Variants in SGCD observed in about 807,000 individuals in gnomAD.
The protein encoded by SGCD is sarcoglycan delta.
SGCD carries 18 observed loss-of-function variants against 36.6 expected under a neutral mutation model. That is an observed-to-expected ratio of 0.49 (90% CI 0.34 to 0.73). The LOEUF (loss-of-function observed/expected upper bound fraction) is 0.73. SGCD is among the 30% of genes least tolerant of loss of function. The probability of loss-of-function intolerance (pLI) is 0.01; values close to 1 mark genes in which losing one functional copy is unlikely to be tolerated. For synonymous variants in SGCD, 133 were observed against 130.6 expected (o/e 1.02, Z -0.12); for missense variants, 387 against 346.7 (o/e 1.12, Z -0.92).
chr5:156,617,737 C>T (rs944493390), intron 6 of SGCD, among the ~76,000 whole-genome samples: 1 of 152,132 alleles, frequency 6.6e-6, no homozygotes, highest in Admixed American at 6.5e-5. Context: ...CCAACAGCAC[C>T]CAGCCACCCA....
At chr5:155,947,345 T>G (rs1757459310) in intron 1 of SGCD, among the ~76,000 whole-genome samples, 1 of 146,012 alleles carries the variant, frequency 6.8e-6, no homozygotes, top group African/African-American at 2.8e-5. Context: ...GTGTAATGTT[T>G]TGGTTTTTTT....
chr5:156,495,126 G>A (rs1756126515), intron 3 of SGCD, among the ~76,000 whole-genome samples: 1 of 152,108 alleles, frequency 6.6e-6, no homozygotes, highest in African/African-American at 2.4e-5. Context: ...GAGAACACAT[G>A]GATGAAATAT....
At chr5:156,478,527 G>A (rs1561722116) in intron 3 of SGCD, among the ~76,000 whole-genome samples, 4 of 152,110 alleles carry the variant, frequency 2.6e-5, no homozygotes, top group Admixed American at 1.3e-4. Flanking sequence ...GCAGTTTGGG[G>A]GAAACAACAG....
chr5:155,956,849 G>A (rs1214536287), intron 1 of SGCD, among the ~76,000 whole-genome samples: 1 of 149,416 alleles, frequency 6.7e-6, no homozygotes, highest in Non-Finnish European at 1.5e-5. Flanking sequence ...CCTTTACTTA[G>A]TTATGTCTGC....
the SGCD span, among the ~76,000 whole-genome samples, chr5:155,792,978 A>G: frequency 0.039 from 5,923 of 152,294 alleles, 231 homozygotes; most frequent in African/African-American, 0.098. Flanking sequence ...AGCTGTTCAC[A>G]ATAGCAAAGT....
chr5:156,608,063 A>C (rs1317759170), intron 6 of SGCD, among the ~76,000 whole-genome samples: 12 of 152,006 alleles, frequency 7.9e-5, no homozygotes, highest in Non-Finnish European at 8.8e-5. Context: ...CTCTGATCTT[A>C]GTTATTTCTT....
At chr5:156,634,739 A>C (rs1762761965) in intron 6 of SGCD, among the ~76,000 whole-genome samples, 1 of 152,174 alleles carries the variant, frequency 6.6e-6, no homozygotes, top group South Asian at 2.1e-4. Context: ...ATCTATTAAT[A>C]TGCACCACAA....
chr5:156,535,717 A>G (rs561906126), intron 4 of SGCD, among the ~76,000 whole-genome samples: 63 of 152,310 alleles, frequency 4.1e-4, no homozygotes, highest in African/African-American at 1.4e-3. Context: ...ATGAATTTTA[A>G]AATTTAAGTC....
chr5:156,009,972 T>C (rs1561681448), intron 1 of SGCD, among the ~76,000 whole-genome samples: 1 of 152,240 alleles, frequency 6.6e-6, no homozygotes. Context: ...CAAACACGTT[T>C]TGGCAAATTT....
rs1561593249 is a variant in SGCD, at chr5:156,269,502, A to AC, written c.-43-60032_-43-60031insC. Among the ~76,000 whole-genome samples, 131 of 144,480 alleles carry AC rather than the reference A, an allele frequency of 9.1e-4. 17 individuals carry two copies. Among genetic ancestry groups the AC allele is most frequent in the African/African-American group, 3.3e-3 (127 of 38,078 alleles). The allele number at this position is 144,480 out of a possible 152,430, so 94.8% of individuals were successfully genotyped here. ...AAAAAAAAAAAAAAAAAAAAAAAAA[A>AC]AAAAAAAACCATCAGATCTCATGAA... is the stretch of plus-strand genomic sequence containing the variant. On this transcript the variant is annotated intron_variant, in intron 3 of 9. Coordinates refer to the SGCD transcript ENST00000517913.
chr5:155,795,305 A>T, the SGCD span, among the ~76,000 whole-genome samples: 2 of 152,164 alleles, frequency 1.3e-5, no homozygotes, highest in East Asian at 3.9e-4. Flanking sequence ...TCAATAGATT[A>T]GGAGTTCATA....
chr5:155,956,151 T>C (rs1170019218), intron 1 of SGCD, among the ~76,000 whole-genome samples: 9 of 150,726 alleles, frequency 6.0e-5, no homozygotes, highest in Non-Finnish European at 8.8e-5. Flanking sequence ...TGTCACAGCT[T>C]CCAAGTTCTC....
chr5:156,093,403 G>A (rs772729141), intron 1 of SGCD, among the ~76,000 whole-genome samples: 8 of 152,122 alleles, frequency 5.3e-5, no homozygotes, highest in Non-Finnish European at 7.4e-5. Context: ...TCACTCTACC[G>A]AATGAAAGTC....
intron 4 of SGCD, among the ~76,000 whole-genome samples, chr5:156,562,951 A>G (rs1465181694): frequency 6.6e-6 from 1 of 152,032 alleles, no homozygotes; most frequent in Non-Finnish European, 1.5e-5. Flanking sequence ...AAACCAATTA[A>G]CAAGTATATA....
At chr5:156,328,023 A>G (rs1767890293) in intron 1 of SGCD, among the ~76,000 whole-genome samples, 1 of 152,228 alleles carries the variant, frequency 6.6e-6, no homozygotes. Flanking sequence ...TGATGGTGTG[A>G]ATTTTATTTC....
At chr5:156,294,387 C>T (rs573099354) in intron 3 of SGCD, among the ~76,000 whole-genome samples, 7 of 152,024 alleles carry the variant, frequency 4.6e-5, no homozygotes, top group Admixed American at 2.0e-4. Context: ...ACTTGAGGTT[C>T]GGAGTTCAAG....
intron 3 of SGCD, among the ~76,000 whole-genome samples, chr5:156,398,432 C>A (rs1299304929): frequency 6.6e-6 from 1 of 152,152 alleles, no homozygotes; most frequent in Non-Finnish European, 1.5e-5. Context: ...TTTTACCCAG[C>A]TCTAGTATTT....
At position 156,102,749 on chromosome 5, in the gene SGCD, A is replaced by G. The variant is rs185885227; in HGVS notation, c.-281-15129A>G. Among the ~76,000 whole-genome samples, 715 of 152,330 alleles carry G rather than the reference A, an allele frequency of 4.7e-3. 4 individuals carry two copies. Among genetic ancestry groups the G allele is most frequent in the Middle Eastern group, 0.031 (9 of 294 alleles). On this transcript the variant is annotated intron_variant, in intron 1 of 9. Coordinates refer to the SGCD transcript ENST00000517913. The stretch of plus-strand genomic sequence containing the variant: ...CTCTTTCATAAAGCAATTATAGTTT[A>G]TATAGGGTATTACATGCTTCTAAGT...
the SGCD span, among the ~76,000 whole-genome samples, chr5:155,752,617 T>C: frequency 6.6e-6 from 1 of 152,192 alleles, no homozygotes; most frequent in East Asian, 1.9e-4. Flanking sequence ...CTAACCCCCA[T>C]AGGACCATAG....
Sources: gnomAD v4.1 joint callset for allele counts (sites outside exome capture counted in the v4.1 genomes callset) on GRCh38, gnomAD v4.1.1 for gene constraint, MANE v1.5 for transcripts, NCBI Gene and HGNC (gene_info 2026-07-23, HGNC 2026-07-21) for gene names.